Variants in MEOX2 observed in about 807,000 individuals in gnomAD.
MEOX2 encodes homeobox protein MOX-2.
MEOX2 carries 11 observed loss-of-function variants against 27.0 expected under a neutral mutation model. The observed-to-expected ratio is 0.41, with a 90% confidence interval of 0.26 to 0.68. The LOEUF is 0.68. Among genes scored for constraint, MEOX2 ranks in the 30% least tolerant of loss-of-function variants. The pLI is 0.33. For synonymous variants in MEOX2, 189 were observed against 155.4 expected (o/e 1.22, Z -1.61); for missense variants, 436 against 385.4 (o/e 1.13, Z -1.10).
Position 15,661,012 on chromosome 7 carries a change from CAAAAAAAAAAAAAAAAAA to C in MEOX2, c.517+24856_517+24873del, listed in dbSNP as rs71004402. On this transcript the variant is annotated intron_variant, in intron 1 of 2. Coordinates refer to ENST00000262041, the MANE Select transcript of MEOX2 (RefSeq NM_005924.5). ...TTGGCAACAGAGCGAGACTCAGTCT[CAAAAAAAAAAAAAAAAAA>C]AAAAAAAAAAAGAGAAAGAGAGAGA... Among the ~76,000 whole-genome samples the C allele has an allele frequency of 9.0e-5, 4 of 44,340 alleles. No individual in the cohort carries two copies. The East Asian group carries it at 3.7e-3, about 41-fold the overall frequency. 29.1% of individuals were successfully genotyped at this position (44,340 alleles called of 152,430 possible). A position where few individuals can be genotyped will look rare whatever the true frequency, so the allele number is the denominator to read the frequency against.
At chr7:15,683,516 T>A (rs909173510) in intron 1 of MEOX2, among the ~76,000 whole-genome samples, 1 of 152,116 alleles carries the variant, frequency 6.6e-6, no homozygotes, top group Admixed American at 6.5e-5. Flanking sequence ...AGGATCATAA[T>A]CATTTTCAAT....
At chr7:15,627,808 A>AAC (rs71549949) in intron 1 of MEOX2, among the ~76,000 whole-genome samples, 98 of 147,402 alleles carry the variant, frequency 6.6e-4, no homozygotes, top group Non-Finnish European at 1.1e-3. Flanking sequence ...ATCAATAGTA[A>AAC]ACACACACAC....
intron 1 of MEOX2, among the ~76,000 whole-genome samples, chr7:15,652,589 A>C (rs1057255795): frequency 6.6e-6 from 1 of 152,104 alleles, no homozygotes; most frequent in African/African-American, 2.4e-5. Flanking sequence ...CTAAAAAACT[A>C]AGCCACTATC....
At chr7:15,638,468 T>G (rs1441347725) in intron 1 of MEOX2, among the ~76,000 whole-genome samples, 1 of 152,098 alleles carries the variant, frequency 6.6e-6, no homozygotes, top group African/African-American at 2.4e-5. Flanking sequence ...TCATGCAAAT[T>G]TTGTGCATAT....
At chr7:15,664,674 C>G (rs1781970791) in intron 1 of MEOX2, among the ~76,000 whole-genome samples, 1 of 152,144 alleles carries the variant, frequency 6.6e-6, no homozygotes, top group African/African-American at 2.4e-5. Context: ...GCTATAATTC[C>G]TAACATTTTC....
At chr7:15,668,956 T>G (rs747819724) in intron 1 of MEOX2, among the ~76,000 whole-genome samples, 4 of 152,220 alleles carry the variant, frequency 2.6e-5, no homozygotes, top group Admixed American at 6.5e-5. Context: ...CTAAGTGGTT[T>G]CTATTTAAAA....
intron 1 of MEOX2, among the ~76,000 whole-genome samples, chr7:15,652,109 C>T (rs2036508832): frequency 6.6e-6 from 1 of 151,984 alleles, no homozygotes; most frequent in Non-Finnish European, 1.5e-5. Context: ...GACTCAATTG[C>T]TTTGAACCTA....
intron 1 of MEOX2, among the ~76,000 whole-genome samples, chr7:15,661,683 A>G (rs1781921555): frequency 6.6e-6 from 1 of 152,216 alleles, no homozygotes; most frequent in South Asian, 2.1e-4. Flanking sequence ...TGTGTAAGAC[A>G]GAATGCATTT....
intron 1 of MEOX2, among the ~76,000 whole-genome samples, chr7:15,657,236 T>C (rs1410083457): frequency 6.6e-6 from 1 of 152,168 alleles, no homozygotes; most frequent in Non-Finnish European, 1.5e-5. Flanking sequence ...TGTCTTTTGC[T>C]AAATTTGGAA....
chr7:15,625,239 C>T (rs752483995), intron 2 of MEOX2, among the ~76,000 whole-genome samples: 3 of 152,074 alleles, frequency 2.0e-5, no homozygotes, highest in Middle Eastern at 3.4e-3. Context: ...TTTTATTTTC[C>T]GTTCCCTGTT....
intron 1 of MEOX2, among the ~76,000 whole-genome samples, chr7:15,658,774 A>G (rs943193178): frequency 6.6e-6 from 1 of 152,202 alleles, no homozygotes; most frequent in Non-Finnish European, 1.5e-5. Flanking sequence ...AGAAGAAACC[A>G]TATGCAAATC....
intron 1 of MEOX2, among the ~76,000 whole-genome samples, chr7:15,656,398 T>G (rs921193735): frequency 5.3e-5 from 8 of 151,812 alleles, no homozygotes; most frequent in African/African-American, 1.7e-4. Context: ...CCCTTTTACT[T>G]TTTGTTTTTT....
intron 2 of MEOX2, among the ~76,000 whole-genome samples, chr7:15,618,631 G>A (rs1781163278): frequency 6.6e-6 from 1 of 151,816 alleles, no homozygotes; most frequent in African/African-American, 2.4e-5. Flanking sequence ...TATAAGAAGA[G>A]TAGAATACTG....
At chr7:15,614,560 G>C (rs1028625025) in intron 2 of MEOX2, among the ~76,000 whole-genome samples, 5 of 152,052 alleles carry the variant, frequency 3.3e-5, no homozygotes, top group African/African-American at 1.2e-4. Context: ...AAATAACCCA[G>C]CTTTTTTCCA....
intron 1 of MEOX2, among the ~76,000 whole-genome samples, chr7:15,652,607 T>C (rs1781749858): frequency 6.6e-6 from 1 of 152,054 alleles, no homozygotes; most frequent in South Asian, 2.1e-4. Context: ...ATCTTTTTAA[T>C]TAGGTTAATC....
At chr7:15,631,858 G>T in intron 1 of MEOX2, among the ~76,000 whole-genome samples, 1 of 139,290 alleles carries the variant, frequency 7.2e-6, no homozygotes, top group East Asian at 2.2e-4. Context: ...TTTATCACAG[G>T]CTATAAAATT....
At chr7:15,641,073 G>A (rs983204942) in intron 1 of MEOX2, among the ~76,000 whole-genome samples, 4 of 151,976 alleles carry the variant, frequency 2.6e-5, no homozygotes, top group Non-Finnish European at 5.9e-5. Context: ...TTGATTTCTT[G>A]GAATAATTTC....
rs77803260 is a variant in MEOX2 at position 15,647,813 on chromosome 7, C to G, written c.518-20895G>C. Reference sequence around the variant, plus strand: ...GTAGGACTTTTAAAATTTAATTGACCTTAAAAAATGATCACTGTTTCTAGG... The same window carrying G: ...GTAGGACTTTTAAAATTTAATTGACGTTAAAAAATGATCACTGTTTCTAGG... On this transcript the variant is annotated intron_variant, in intron 1 of 2. Transcript: ENST00000262041. 5.3e-3 allele frequency among the ~76,000 whole-genome samples: 810 copies of G among 151,962 alleles called. 10 individuals carry two copies. The highest frequency in any genetic ancestry group is 0.018 in the African/African-American group (760 of 41,474).
intron 2 of MEOX2, among the ~76,000 whole-genome samples, chr7:15,619,505 T>C (rs935444486): frequency 3.3e-5 from 5 of 152,032 alleles, no homozygotes; most frequent in Non-Finnish European, 7.4e-5. Context: ...CCTTTTATTA[T>C]ACCAGCTTGA....
Sources: gnomAD v4.1 joint callset for allele counts (sites outside exome capture counted in the v4.1 genomes callset) on GRCh38, gnomAD v4.1.1 for gene constraint, MANE v1.5 for transcripts, NCBI Gene and HGNC (gene_info 2026-07-23, HGNC 2026-07-21) for gene names.